Variants in PCDHA3 observed in about 807,000 individuals in gnomAD.
The protein encoded by PCDHA3 is protocadherin alpha-3.
Under a neutral mutation model 62.2 loss-of-function variants are expected in PCDHA3, and 41 were observed. The observed-to-expected ratio is 0.66, with a 90% CI of 0.51 to 0.86. PCDHA3 has a LOEUF of 0.86. PCDHA3 is among the 40% of genes least tolerant of loss of function. PCDHA3 has a pLI of 0.00. For missense variants in PCDHA3, 1,304 were observed against 1,241.2 expected, an observed-to-expected ratio of 1.05 and a Z score of -0.76; for synonymous variants, 640 against 555.4, an observed-to-expected ratio of 1.15 and a Z score of -2.14.
chr5:140,964,812 T>C (rs2095855698), intron 1 of PCDHA3, among the ~76,000 whole-genome samples: 1 of 151,914 alleles, frequency 6.6e-6, no homozygotes, highest in Non-Finnish European at 1.5e-5. Flanking sequence ...GAGACAGGAA[T>C]AGATTTTGAT....
chr5:140,920,766 C>T (rs370765138), intron 1 of PCDHA3, among the ~76,000 whole-genome samples: 66 of 151,878 alleles, frequency 4.3e-4, no homozygotes, highest in African/African-American at 1.6e-3. Context: ...ATTGCTTACA[C>T]CTGGGAGGTG....
intron 3 of PCDHA3, among the ~76,000 whole-genome samples, chr5:141,006,464 C>T (rs1243356826): frequency 5.9e-5 from 9 of 152,100 alleles, no homozygotes; most frequent in African/African-American, 1.7e-4. Context: ...CTGCCTGTCT[C>T]GGCCTCCCAA....
intron 1 of PCDHA3, chr5:140,823,610 C>T: frequency 6.2e-7 from 1 of 1,614,002 alleles, no homozygotes; most frequent in Non-Finnish European, 8.5e-7. Flanking sequence ...GAGCTGCAGC[C>T]AGCGCCTGGC....
chr5:140,876,231 A>C (rs1428769390), intron 1 of PCDHA3: 4 of 1,614,004 alleles, frequency 2.5e-6, no homozygotes, highest in Non-Finnish European at 3.4e-6. Flanking sequence ...TGTTGTCTGA[A>C]AATGTCCAAA....
In PCDHA3 at chr5:141,009,694, A is replaced by G. The variant is rs782798367; in HGVS notation, c.2610A>G (p.Lys870=). The part of the protein sequence containing the change: ...AGVNSNSWTF[K]YGPGNPKQSG... ...TCAACAGCAACAGCTGGACCTTTAA[A>G]TACGGACCAGGCAACCCCAAACAAT... is the stretch of plus-strand genomic sequence containing the variant. The change falls in exon 4 of 4, where the codon AAA becomes AAG. Residue 870 remains lysine (K), a synonymous_variant. Transcript: ENST00000522353. 5 of 1,613,890 alleles carry G rather than the reference A, an allele frequency of 3.1e-6. No homozygotes were observed. In the Admixed American group the frequency reaches 6.7e-5, roughly 22 times the overall value.
intron 1 of PCDHA3, chr5:140,851,883 G>A (rs2042187282): frequency 3.1e-6 from 3 of 976,924 alleles, no homozygotes; most frequent in African/African-American, 1.8e-5. Flanking sequence ...CAGAAATCTG[G>A]ATATGAGATT....
Position 140,856,604 on chromosome 5 carries a change from GA to G in PCDHA3, c.2394+53014del, listed in dbSNP as rs782310012. On this transcript the variant is annotated intron_variant, in intron 1 of 3. Transcript: ENST00000522353. ...TGTTCTTGATATTATAAACAAAAAA[GA>G]CAAAGACAAATTCCCAGTGCTTGTT... 3.6e-5 allele frequency: 57 copies of G among 1,597,724 alleles called. 2 individuals are homozygous for G. In the African/African-American group the frequency reaches 6.7e-4, roughly 19 times the overall value.
intron 3 of PCDHA3, among the ~76,000 whole-genome samples, chr5:140,990,426 G>A (rs3756324): frequency 0.3 from 46,292 of 152,022 alleles, 7,253 homozygotes; most frequent in East Asian, 0.43. Flanking sequence ...AACCAGCATT[G>A]ACCCAATCTT....
At chr5:140,924,105 C>A (rs140580566) in intron 1 of PCDHA3, among the ~76,000 whole-genome samples, 5 of 152,144 alleles carry the variant, frequency 3.3e-5, no homozygotes, top group Admixed American at 2.6e-4. Flanking sequence ...ATTTTCATTC[C>A]AAAGCAGTTA....
intron 1 of PCDHA3, among the ~76,000 whole-genome samples, chr5:140,977,826 T>C (rs1554238818): frequency 1.3e-5 from 2 of 152,208 alleles, no homozygotes; most frequent in Admixed American, 6.5e-5. Flanking sequence ...TTTTGAATGG[T>C]CTATTGATAT....
rs782310474 is a variant in PCDHA3 at position 140,858,120 on chromosome 5, T to C, written c.2394+54529T>C. 9 of 1,597,738 alleles carry C rather than the reference T, an allele frequency of 5.6e-6. 1 individual carries two copies. In the Admixed American group the frequency reaches 1.5e-4, roughly 27 times the overall value. ...GTGGGCGTGGCGCCCGAGGTGGCCC[T>C]GGTGGATGTCAACGTGTACCTGATC... On this transcript the variant is annotated intron_variant, in intron 1 of 3. Coordinates refer to ENST00000522353, the MANE Select transcript of PCDHA3 (RefSeq NM_018906.3).
chr5:140,903,049 A>G (rs2069961526), intron 1 of PCDHA3, among the ~76,000 whole-genome samples: 1 of 152,080 alleles, frequency 6.6e-6, no homozygotes, highest in Non-Finnish European at 1.5e-5. Flanking sequence ...TTTTCATGTA[A>G]TGACTTCTTT....
intron 1 of PCDHA3, among the ~76,000 whole-genome samples, chr5:140,820,841 T>A (rs11167609): frequency 5.3e-5 from 8 of 151,748 alleles, no homozygotes; most frequent in African/African-American, 1.7e-4. Context: ...TAATAGCAAC[T>A]TGAAGAAATG....
chr5:140,905,327 T>G (rs1446614190), intron 1 of PCDHA3, among the ~76,000 whole-genome samples: 1 of 152,202 alleles, frequency 6.6e-6, no homozygotes, highest in Non-Finnish European at 1.5e-5. Flanking sequence ...TATGCTTTGT[T>G]GAAGATCAGT....
In PCDHA3 at chr5:140,908,379, G is replaced by A. The variant is rs553504980; in HGVS notation, c.2395-70570G>A. Among the ~76,000 whole-genome samples the A allele has an allele frequency of 7.2e-5, 11 of 152,198 alleles. No individual in the cohort carries two copies. In the South Asian group the frequency reaches 1.2e-3, roughly 17 times the overall value. On this transcript the variant is annotated intron_variant, in intron 1 of 3. Coordinates refer to ENST00000522353, the MANE Select transcript of PCDHA3 (RefSeq NM_018906.3). ...TTACTTGTGCCTTCAGGACCTGCTC[G>A]AGCCCGATCACATATATACCACTTC...
chr5:140,841,555 T>C lies in PCDHA3; in HGVS notation c.2394+37964T>C, dbSNP rs1224364793. 2.5e-6 allele frequency: 4 copies of C among 1,613,708 alleles called. No homozygotes were observed. In the African/African-American group the frequency reaches 5.3e-5, roughly 22 times the overall value. On this transcript the variant is annotated intron_variant, in intron 1 of 3. Transcript: ENST00000522353. Reference sequence around the variant, plus strand: ...GACACCGGGACCTTCTGGAGGTAAGTCTGCAGAATGGCATTTTGTTTGTGA... The same window carrying C: ...GACACCGGGACCTTCTGGAGGTAAGCCTGCAGAATGGCATTTTGTTTGTGA...
At chr5:140,871,086 G>GGCCACC (rs782688668) in intron 1 of PCDHA3, 1 of 1,613,256 alleles carries the variant, frequency 6.2e-7, no homozygotes, top group Non-Finnish European at 8.5e-7. Context: ...TGACGGCCAC[G>GGCCACC]GCCACCGTGC....
intron 1 of PCDHA3, chr5:140,866,423 G>A (rs2049350651): frequency 6.6e-6 from 1 of 151,088 alleles, no homozygotes; most frequent in South Asian, 2.1e-4. Flanking sequence ...ATGTGTGTAG[G>A]TCTTTCAGTC....
At chr5:140,968,332 C>T (rs2096240603) in intron 1 of PCDHA3, 2 of 1,614,158 alleles carry the variant, frequency 1.2e-6, no homozygotes, top group Non-Finnish European at 1.7e-6. Flanking sequence ...CCTCCTATGT[C>T]TCCATTAACA....
Sources: allele counts gnomAD v4.1 joint callset (sites outside exome capture counted in the v4.1 genomes callset), GRCh38; gene constraint gnomAD v4.1.1; transcripts MANE v1.5; gene names NCBI Gene and HGNC (gene_info 2026-07-23, HGNC 2026-07-21).